VAV2: variants seen among roughly 807,000 people sequenced by gnomAD.
VAV2 encodes the protein vav guanine nucleotide exchange factor 2.
Under a neutral mutation model 132.5 loss-of-function variants are expected in VAV2, and 67 were observed. The observed-to-expected ratio is 0.51, with a 90% CI of 0.42 to 0.62. The LOEUF (loss-of-function observed/expected upper bound fraction) is 0.62, where lower values mean the gene tolerates loss of function less well. Among genes scored for constraint, VAV2 ranks in the 20% least tolerant of loss-of-function variants. The pLI, the probability that VAV2 is intolerant of heterozygous loss-of-function variation, is 0.00. For missense variants in VAV2, 938 were observed against 1,153.6 expected (o/e 0.81, Z 2.71); for synonymous variants, 492 against 443.5 (o/e 1.11, Z -1.37).
chr9:133,862,685 G>T (rs1231652821), intron 2 of VAV2, among the ~76,000 whole-genome samples: 1 of 152,238 alleles, frequency 6.6e-6, no homozygotes, highest in Admixed American at 6.5e-5. Context: ...TAGGAACGGA[G>T]CCCAGAGGGC....
chr9:133,973,880 TG>T, intron 1 of VAV2, among the ~76,000 whole-genome samples: 1 of 151,534 alleles, frequency 6.6e-6, no homozygotes, highest in East Asian at 1.9e-4. Flanking sequence ...AGCTGACTGC[TG>T]GGAAAGAACC....
intron 2 of VAV2, among the ~76,000 whole-genome samples, chr9:133,882,064 A>T (rs1310606765): frequency 6.6e-6 from 1 of 152,222 alleles, no homozygotes; most frequent in Non-Finnish European, 1.5e-5. Flanking sequence ...TGCCGAAAAC[A>T]AAAGAGGCAA....
At position 133,935,180 on chromosome 9, in the gene VAV2, A is replaced by G. The variant is rs1210116914; in HGVS notation, c.321+3923T>C. Among the ~76,000 whole-genome samples, 2 of 152,182 alleles carry G rather than the reference A, an allele frequency of 1.3e-5. No individual in the cohort carries two copies. The highest frequency in any genetic ancestry group is 2.9e-5 in the Non-Finnish European group (2 of 68,028). On this transcript the variant is annotated intron_variant, in intron 2 of 29. Coordinates refer to ENST00000371850, the MANE Select transcript of VAV2 (RefSeq NM_001134398.2). This position sits in a 1 kb window ranked among gnomAD's most constrained non-coding sequence, Gnocchi z 5.2. ...TATCTTCATGGTCTGAGGTTGCTGG[A>G]GGCCGCCGAGCTCATTTGGAATGGC... is the stretch of plus-strand genomic sequence containing the variant.
At position 133,884,396 on chromosome 9, in the gene VAV2, G is replaced by A. The variant is rs1475943456; in HGVS notation, c.322-22964C>T. 6.6e-6 allele frequency among the ~76,000 whole-genome samples: 1 copy of A among 152,218 alleles called. No individual in the cohort carries two copies. The highest frequency in any genetic ancestry group is 1.5e-5 in the Non-Finnish European group (1 of 68,038). On this transcript the variant is annotated intron_variant, in intron 2 of 29. Coordinates refer to ENST00000371850, the MANE Select transcript of VAV2 (RefSeq NM_001134398.2). The surrounding 1 kb of genome is among the most constrained non-coding windows in gnomAD (Gnocchi z 5.3). ...AAGCAGTGCTTCCTTAGGCGCTTGGGTGCTCACTGCAGTGGGCTGGCTGCC... is the reference window on the plus strand; with the variant it reads ...AAGCAGTGCTTCCTTAGGCGCTTGGATGCTCACTGCAGTGGGCTGGCTGCC...
rs574467203 is a variant in VAV2, at chr9:133,764,343, G to T, written c.2590-234C>A. Among the ~76,000 whole-genome samples, 10 of 151,722 alleles carry T rather than the reference G, an allele frequency of 6.6e-5. No homozygotes were observed. In the South Asian group the frequency reaches 2.1e-3, roughly 32 times the overall value. ...CTGCCCACCCTCCAGCTGCCAGTCA[G>T]AAAAAAAATAAACCCTCCTGAGGAA... On this transcript the variant is annotated intron_variant, in intron 29 of 29. Transcript: ENST00000371850.
At chr9:133,790,144 GGATGCTC>G (rs1188415908) in intron 13 of VAV2, among the ~76,000 whole-genome samples, 4 of 152,190 alleles carry the variant, frequency 2.6e-5, no homozygotes, top group African/African-American at 9.7e-5. Context: ...TGGCTCATGG[GGATGCTC>G]GACGCCTGCT....
chr9:133,828,847 T>C (rs1836153883), intron 4 of VAV2, among the ~76,000 whole-genome samples: 1 of 152,196 alleles, frequency 6.6e-6, no homozygotes, highest in South Asian at 2.1e-4. Context: ...TTCCACACCC[T>C]GCACAACTCC....
chr9:133,874,113 C>T (rs1039690052), intron 2 of VAV2, among the ~76,000 whole-genome samples: 1 of 152,230 alleles, frequency 6.6e-6, no homozygotes, highest in South Asian at 2.1e-4. Flanking sequence ...CTCTCCACGC[C>T]GCCCTGCCCT....
At chr9:133,931,663 C>G (rs1840693124) in intron 2 of VAV2, among the ~76,000 whole-genome samples, 1 of 152,228 alleles carries the variant, frequency 6.6e-6, no homozygotes, top group African/African-American at 2.4e-5. Context: ...TCACCCCGCT[C>G]CAGCCCTAAC....
In VAV2 at chr9:133,777,797, C is replaced by T. The variant is rs545043798; in HGVS notation, c.1891-334G>A. On this transcript the variant is annotated intron_variant, in intron 22 of 29. Coordinates refer to ENST00000371850, the MANE Select transcript of VAV2 (RefSeq NM_001134398.2). ...AGATGGCCTTTTGCACCCTCTGAAC[C>T]TCCTGTTACATGAATGTAGGGTCTG... Among the ~76,000 whole-genome samples the T allele has an allele frequency of 3.3e-5, 5 of 152,346 alleles. No homozygotes were observed. In the East Asian group the frequency reaches 9.6e-4, roughly 29 times the overall value.
intron 4 of VAV2, among the ~76,000 whole-genome samples, chr9:133,821,695 C>T (rs1041334700): frequency 4.6e-5 from 7 of 152,174 alleles, no homozygotes; most frequent in African/African-American, 4.8e-5. Flanking sequence ...GTTGGTGCTG[C>T]GTTAGTTCCT....
intron 3 of VAV2, among the ~76,000 whole-genome samples, chr9:133,843,668 A>G (rs561045301): frequency 9.2e-5 from 14 of 152,042 alleles, no homozygotes; most frequent in Non-Finnish European, 1.9e-4. Flanking sequence ...AAGGAGGGGG[A>G]AGGTGATGAT....
rs1052333177 is a variant in VAV2 at position 133,863,088 on chromosome 9, C to T, written c.322-1656G>A. Reference sequence around the variant, plus strand: ...TGCTGATGCTACAAGGGGCCTTTCACAAGTAATGAGGAACTTGGCTCTGGA... The same window carrying T: ...TGCTGATGCTACAAGGGGCCTTTCATAAGTAATGAGGAACTTGGCTCTGGA... On this transcript the variant is annotated intron_variant, in intron 2 of 29. Transcript: ENST00000371850. This position sits in a 1 kb window ranked among gnomAD's most constrained non-coding sequence, Gnocchi z 5.0. Among the ~76,000 whole-genome samples the T allele has an allele frequency of 6.6e-6, 1 of 152,210 alleles. No homozygotes were observed. Among genetic ancestry groups the T allele is most frequent in the African/African-American group, 2.4e-5 (1 of 41,448 alleles).
intron 1 of VAV2, among the ~76,000 whole-genome samples, chr9:133,965,494 C>CAAA (rs148320930): frequency 1.2e-3 from 148 of 122,758 alleles, no homozygotes; most frequent in South Asian, 4.0e-3. Flanking sequence ...GCGAGACTGT[C>CAAA]AAAAAAAAAA....
chr9:133,904,577 A>G (rs1839569110), intron 2 of VAV2, among the ~76,000 whole-genome samples: 1 of 152,248 alleles, frequency 6.6e-6, no homozygotes. Flanking sequence ...GGCACCAGGC[A>G]CGTGGGCACA....
chr9:133,900,514 A>C (rs1232611668), intron 2 of VAV2, among the ~76,000 whole-genome samples: 1 of 147,920 alleles, frequency 6.8e-6, no homozygotes, highest in Non-Finnish European at 1.5e-5. Flanking sequence ...AAATTCCCTG[A>C]CCTACCTTGT....
chr9:133,852,545 G>A (rs1423169620), intron 3 of VAV2, among the ~76,000 whole-genome samples: 1 of 152,142 alleles, frequency 6.6e-6, no homozygotes, highest in African/African-American at 2.4e-5. Flanking sequence ...GATGATCCGG[G>A]AGTGGAGCAA....
At chr9:133,934,849 C>T (rs1347978369) in intron 2 of VAV2, among the ~76,000 whole-genome samples, 1 of 152,238 alleles carries the variant, frequency 6.6e-6, no homozygotes. Flanking sequence ...TACCCGGCTG[C>T]TTCTGTCTCT....
At chr9:133,937,282 G>A (rs529978664) in intron 2 of VAV2, among the ~76,000 whole-genome samples, 5 of 152,202 alleles carry the variant, frequency 3.3e-5, no homozygotes, top group African/African-American at 1.2e-4. Flanking sequence ...GTGACTGTAT[G>A]TCTGTGAATG....
Sources: gnomAD v4.1 joint callset for allele counts (sites outside exome capture counted in the v4.1 genomes callset) on GRCh38, gnomAD v4.1.1 for gene constraint, Gnocchi (gnomAD v3.1) non-coding constraint, MANE v1.5 for transcripts, NCBI Gene and HGNC (gene_info 2026-07-23, HGNC 2026-07-21) for gene names.